GRIK3: variants seen among roughly 807,000 people sequenced by gnomAD.
GRIK3 encodes glutamate receptor ionotropic, kainate 3.
Under a neutral mutation model 102.5 loss-of-function variants are expected in GRIK3, and 29 were observed. The ratio of observed to expected loss-of-function variants is 0.28; its 90% confidence interval spans 0.21 to 0.39. The LOEUF (loss-of-function observed/expected upper bound fraction) is 0.39. GRIK3 is among the 10% of genes least tolerant of loss of function. GRIK3 has a pLI of 1.00. For synonymous variants in GRIK3, 511 were observed against 504.9 expected, an observed-to-expected ratio of 1.01 and a Z score of -0.16; for missense variants, 908 against 1,252.4, an observed-to-expected ratio of 0.73 and a Z score of 4.15.
At chr1:36,968,293 C>T (rs1321088919) in intron 1 of GRIK3, among the ~76,000 whole-genome samples, 6 of 151,084 alleles carry the variant, frequency 4.0e-5, no homozygotes, top group Non-Finnish European at 7.4e-5. Context: ...TGTTCATGCT[C>T]CCTCCATAGA....
Position 36,832,963 on chromosome 1 carries a change from C to A in GRIK3, c.1531-7137G>T, listed in dbSNP as rs191539133. On this transcript the variant is annotated intron_variant, in intron 10 of 15. Transcript: ENST00000373091. ...CTCCCATAGCCCCCGCACTGCTCCT[C>A]CGTGTCTTTATCACTATGAAATTTT... Among the ~76,000 whole-genome samples, 10 of 152,306 alleles carry A rather than the reference C, an allele frequency of 6.6e-5. No homozygotes were observed. The East Asian group carries it at 1.7e-3, about 27-fold the overall frequency.
chr1:36,893,991 A>G (rs906265491), intron 1 of GRIK3, among the ~76,000 whole-genome samples: 1 of 152,090 alleles, frequency 6.6e-6, no homozygotes, highest in Non-Finnish European at 1.5e-5. Context: ...TTCCAATTAA[A>G]CCTTTATTAT....
At chr1:36,836,097 A>T (rs1041942184) in intron 10 of GRIK3, among the ~76,000 whole-genome samples, 4 of 152,172 alleles carry the variant, frequency 2.6e-5, no homozygotes, top group African/African-American at 7.2e-5. Flanking sequence ...AGCTCCCAGC[A>T]TGCTTTACTT....
chr1:36,927,633 A>AG (rs1318371553), intron 1 of GRIK3, among the ~76,000 whole-genome samples: 1 of 152,154 alleles, frequency 6.6e-6, no homozygotes, highest in African/African-American at 2.4e-5. Flanking sequence ...AGTAAGATAG[A>AG]GGGAAAAAAG....
chr1:36,802,476 C>T (rs113234723), intron 15 of GRIK3, among the ~76,000 whole-genome samples: 34 of 152,218 alleles, frequency 2.2e-4, no homozygotes, highest in African/African-American at 7.7e-4. Flanking sequence ...AAACATTTGA[C>T]GAATGTATGG....
At chr1:36,962,759 T>C (rs1012290423) in intron 1 of GRIK3, among the ~76,000 whole-genome samples, 3 of 146,076 alleles carry the variant, frequency 2.1e-5, no homozygotes, top group Non-Finnish European at 3.0e-5. Context: ...TACAAACGGA[T>C]AAAAAATGAA....
intron 10 of GRIK3, among the ~76,000 whole-genome samples, chr1:36,830,968 G>C (rs1373066162): frequency 6.6e-6 from 1 of 152,168 alleles, no homozygotes; most frequent in Non-Finnish European, 1.5e-5. Flanking sequence ...GCATGGAACA[G>C]GTTCTCCTTC....
rs1200484161 is a variant in GRIK3, at chr1:36,796,716, T to C, written c.*5135A>G. The C allele has an allele frequency of 2.0e-5, 3 of 152,256 alleles. No individual in the cohort carries two copies. The highest frequency in any genetic ancestry group is 2.0e-4 in the Admixed American group (3 of 15,292). 9.4% of individuals were successfully genotyped at this position (152,256 alleles called of 1,614,324 possible). ...AGCTGTGTTGTGTGCAAGTTGTGACTGCTTCTGCATGTGGGTGAGAATCAG... is the reference window on the plus strand; with the variant it reads ...AGCTGTGTTGTGTGCAAGTTGTGACCGCTTCTGCATGTGGGTGAGAATCAG... On this transcript the variant is annotated 3_prime_UTR_variant, in exon 16 of 16. Transcript: ENST00000373091.
chr1:36,877,639 A>C (rs1010871404), intron 3 of GRIK3, among the ~76,000 whole-genome samples: 7 of 152,144 alleles, frequency 4.6e-5, no homozygotes, highest in African/African-American at 1.7e-4. Context: ...CCATACCTGA[A>C]TCCTCTCCCC....
chr1:36,946,628 A>G (rs376659384), intron 1 of GRIK3, among the ~76,000 whole-genome samples: 1 of 152,204 alleles, frequency 6.6e-6, no homozygotes, highest in East Asian at 1.9e-4. Context: ...TACCACAAAC[A>G]GTAATAATCA....
chr1:37,010,445 CA>C (rs1159979026), intron 1 of GRIK3, among the ~76,000 whole-genome samples: 1 of 152,198 alleles, frequency 6.6e-6, no homozygotes, highest in Non-Finnish European at 1.5e-5. Flanking sequence ...AACCAAGGCA[CA>C]GTCAGGAAGT....
At chr1:36,813,191 T>C (rs1642582184) in intron 13 of GRIK3, among the ~76,000 whole-genome samples, 1 of 152,198 alleles carries the variant, frequency 6.6e-6, no homozygotes, top group South Asian at 2.1e-4. Flanking sequence ...GTTAGGCAAG[T>C]CAGTTAGCCT....
Position 36,859,900 on chromosome 1 carries a change from C to T in GRIK3, c.904G>A (p.Glu302Lys), listed in dbSNP as rs1640700709. 6.2e-7 allele frequency: 1 copy of T among 1,613,952 alleles called. No individual in the cohort carries two copies. The highest frequency in any genetic ancestry group is 8.5e-7 in the Non-Finnish European group (1 of 1,179,936). ...VSAIVEKWSM[E>K]RLQAAPRSES... ...GACCGGGGAGCTGCCTGCAGCCGCTCCATGGACCACTTCTCCACAATGGCC... is the reference window on the plus strand; with the variant it reads ...GACCGGGGAGCTGCCTGCAGCCGCTTCATGGACCACTTCTCCACAATGGCC... The change falls in exon 6 of 16, where the codon GAG (glutamate) becomes AAG (lysine). Residue 302 changes from glutamate (E) to lysine (K), a missense_variant. Physicochemically the swap from Glu to Lys is moderately conservative, Grantham distance 56. Coordinates refer to ENST00000373091, the MANE Select transcript of GRIK3 (RefSeq NM_000831.4).
At chr1:37,011,897 C>G (rs1195747044) in intron 1 of GRIK3, among the ~76,000 whole-genome samples, 1 of 152,136 alleles carries the variant, frequency 6.6e-6, no homozygotes, top group Non-Finnish European at 1.5e-5. Flanking sequence ...CCAGGGCTTC[C>G]AGAGTGCCCT....
intron 15 of GRIK3, 98 bp downstream of exon 15, chr1:36,804,889 T>G: frequency 2.8e-6 from 4 of 1,437,806 alleles, no homozygotes; most frequent in Non-Finnish European, 3.8e-6. Context: ...GTTGTGAGGC[T>G]GAGATGAGAC....
At chr1:36,963,629 T>G (rs1271955837) in intron 1 of GRIK3, among the ~76,000 whole-genome samples, 1 of 152,194 alleles carries the variant, frequency 6.6e-6, no homozygotes, top group Non-Finnish European at 1.5e-5. Context: ...AACTGGGATT[T>G]GAACCCCTGC....
intron 4 of GRIK3, among the ~76,000 whole-genome samples, chr1:36,871,480 C>T (rs1640843025): frequency 2.0e-5 from 3 of 152,232 alleles, no homozygotes; most frequent in Admixed American, 2.0e-4. Flanking sequence ...GACATAATTG[C>T]CTTTTACACA....
In GRIK3 at chr1:36,968,308, T is replaced by C. The variant is rs557022241; in HGVS notation, c.115+65686A>G. Among the ~76,000 whole-genome samples the C allele has an allele frequency of 1.8e-4, 27 of 151,942 alleles. No individual in the cohort carries two copies. The South Asian group carries it at 5.2e-3, about 29-fold the overall frequency. Reference sequence around the variant, plus strand: ...TGTTCATGCTCCCTCCATAGATTTATTTTTGTCTCCGCCCTTCCTGTCTTT... The same window carrying C: ...TGTTCATGCTCCCTCCATAGATTTACTTTTGTCTCCGCCCTTCCTGTCTTT... On this transcript the variant is annotated intron_variant, in intron 1 of 15. Transcript: ENST00000373091.
In GRIK3 at chr1:36,880,825, G is replaced by A. The variant is rs756005894; in HGVS notation, c.359C>T (p.Ala120Val). The A allele has an allele frequency of 6.2e-7, 1 of 1,614,108 alleles. No individual in the cohort carries two copies. The highest frequency in any genetic ancestry group is 8.5e-7 in the Non-Finnish European group (1 of 1,179,960). The change falls in exon 3 of 16, where the codon GCC becomes GTC. Residue 120 changes from alanine (A) to valine (V), a missense_variant. Around this residue, in one of 3 missense-constraint regions of GRIK3, gnomAD observed 585 missense variants for 824.9 expected, o/e 0.71. Coordinates refer to ENST00000373091, the MANE Select transcript of GRIK3 (RefSeq NM_000831.4). The surrounding 1 kb of genome is among the most constrained non-coding windows in gnomAD (Gnocchi z 5.4). ...CAGGGCATTGCAGATGGACTGGACG[G>A]CATTGGTGCAGGAGCCCTGTGATGG... ...FGPSQGSCTN[A>V]VQSICNALEV...
Sources: allele counts gnomAD v4.1 joint callset (sites outside exome capture counted in the v4.1 genomes callset), GRCh38; gene constraint gnomAD v4.1.1; regional missense constraint gnomAD v4.1.1; non-coding constraint Gnocchi (gnomAD v3.1); transcripts MANE v1.5; gene names NCBI Gene and HGNC (gene_info 2026-07-23, HGNC 2026-07-21).